CCSER1: variants seen among roughly 807,000 people sequenced by gnomAD.
CCSER1 encodes serine-rich coiled-coil domain-containing protein 1.
Under a neutral mutation model 82.0 loss-of-function variants are expected in CCSER1, and 41 were observed. The ratio of observed to expected loss-of-function variants is 0.50; its 90% CI spans 0.39 to 0.65. The LOEUF (loss-of-function observed/expected upper bound fraction) is 0.65, where lower values mean the gene tolerates loss of function less well. Ranked by LOEUF, CCSER1 falls within the 30% of genes least tolerant of loss-of-function variation. CCSER1 has a pLI of 0.00. For missense variants in CCSER1, 1,119 were observed against 1,064.2 expected (o/e 1.05, Z -0.72); for synonymous variants, 414 against 383.9 (o/e 1.08, Z -0.92).
intron 1 of CCSER1, among the ~76,000 whole-genome samples, chr4:90,194,131 G>A (rs1736162577): frequency 6.6e-6 from 1 of 152,068 alleles, no homozygotes; most frequent in Non-Finnish European, 1.5e-5. Flanking sequence ...GTCTAGGGCA[G>A]TGATATTATG....
intron 1 of CCSER1, among the ~76,000 whole-genome samples, chr4:90,172,642 A>G (rs1020512498): frequency 6.6e-6 from 1 of 151,920 alleles, no homozygotes; most frequent in African/African-American, 2.4e-5. Flanking sequence ...AGATTTTACA[A>G]CTAGTAAGTG....
At chr4:90,380,879 G>C (rs1390767800) in intron 3 of CCSER1, among the ~76,000 whole-genome samples, 1 of 152,142 alleles carries the variant, frequency 6.6e-6, no homozygotes, top group Non-Finnish European at 1.5e-5. Flanking sequence ...TGCTCCCAAA[G>C]AGCTTATAGT....
chr4:90,213,177 A>G (rs1740356290), intron 1 of CCSER1, among the ~76,000 whole-genome samples: 1 of 152,214 alleles, frequency 6.6e-6, no homozygotes. Context: ...GGTAGCTGAC[A>G]GGGTGGTAGC....
chr4:91,086,145 T>C (rs551170654), intron 10 of CCSER1, among the ~76,000 whole-genome samples, 151 bp downstream of exon 10: 1 of 152,244 alleles, frequency 6.6e-6, no homozygotes, highest in Admixed American at 6.5e-5. Context: ...CTCTGTTCAT[T>C]CTGCCAAAGC....
rs192089921 is a variant in CCSER1, at chr4:90,299,930, C to G, written c.-41-8314C>G. Among the ~76,000 whole-genome samples the G allele has an allele frequency of 3.0e-3, 464 of 152,160 alleles. 2 individuals are homozygous for G. The highest frequency in any genetic ancestry group is 0.01 in the Middle Eastern group (3 of 294). The stretch of plus-strand genomic sequence containing the variant: ...TTACATATTATTAATTTTCTGCCAT[C>G]ATTTTCTTAATGTTAAAATTATTAC... On this transcript the variant is annotated intron_variant, in intron 1 of 10. Coordinates refer to ENST00000509176, the MANE Select transcript of CCSER1 (RefSeq NM_001145065.2).
At chr4:90,767,196 T>C (rs1751379178) in intron 7 of CCSER1, among the ~76,000 whole-genome samples, 1 of 152,232 alleles carries the variant, frequency 6.6e-6, no homozygotes, top group South Asian at 2.1e-4. Context: ...AGATTCATTG[T>C]CCTGCTTGTA....
intron 5 of CCSER1, among the ~76,000 whole-genome samples, chr4:90,485,009 G>A (rs995979588): frequency 6.6e-6 from 1 of 152,230 alleles, no homozygotes; most frequent in Non-Finnish European, 1.5e-5. Context: ...TCCTTGAGCT[G>A]TGGTGGGCTC....
At chr4:90,231,068 T>C (rs1744424036) in intron 1 of CCSER1, among the ~76,000 whole-genome samples, 1 of 152,138 alleles carries the variant, frequency 6.6e-6, no homozygotes, top group African/African-American at 2.4e-5. Context: ...TACCATTCCT[T>C]CTGAAACTAT....
intron 9 of CCSER1, among the ~76,000 whole-genome samples, chr4:91,063,263 G>T (rs1351587333): frequency 6.6e-6 from 1 of 152,008 alleles, no homozygotes; most frequent in Non-Finnish European, 1.5e-5. Context: ...AGGTTTCATT[G>T]CCTCATCTAT....
At chr4:90,571,640 G>A (rs1022503950) in intron 5 of CCSER1, among the ~76,000 whole-genome samples, 10 of 151,992 alleles carry the variant, frequency 6.6e-5, no homozygotes, top group African/African-American at 2.4e-4. Flanking sequence ...CTAACTTTTG[G>A]GTCCTATTTT....
chr4:91,028,368 A>G (rs1740677662), intron 9 of CCSER1, among the ~76,000 whole-genome samples: 1 of 151,954 alleles, frequency 6.6e-6, no homozygotes, highest in South Asian at 2.1e-4. Flanking sequence ...TCATATGTTC[A>G]TGTGTTTATT....
At chr4:91,039,917 AC>A (rs1467507565) in intron 9 of CCSER1, among the ~76,000 whole-genome samples, 1 of 152,026 alleles carries the variant, frequency 6.6e-6, no homozygotes, top group Non-Finnish European at 1.5e-5. Flanking sequence ...CAATTTAGTC[AC>A]CTCTGTTTGT....
In CCSER1 at chr4:91,602,979, G is replaced by A. The variant is rs1764865654; in HGVS notation, c.*3922G>A. ...TGTATAAGAAGTATTTCAATCACAT[G>A]TAATATTCTTGGGAAATTTACCTCT... is the stretch of plus-strand genomic sequence containing the variant. On this transcript the variant is annotated 3_prime_UTR_variant, in exon 11 of 11. Transcript: ENST00000509176. Among the ~76,000 whole-genome samples, 1 of 151,998 alleles carries A rather than the reference G, an allele frequency of 6.6e-6. No homozygotes were observed. Among genetic ancestry groups the A allele is most frequent in the Admixed American group, 6.6e-5 (1 of 15,224 alleles).
At chr4:90,757,232 G>A (rs995274209) in intron 7 of CCSER1, among the ~76,000 whole-genome samples, 2 of 152,174 alleles carry the variant, frequency 1.3e-5, no homozygotes, top group Admixed American at 6.5e-5. Context: ...TAGAGTAGGT[G>A]TTCCAATTAG....
intron 9 of CCSER1, among the ~76,000 whole-genome samples, chr4:90,996,630 A>G (rs920592896): frequency 2.6e-5 from 4 of 152,114 alleles, no homozygotes; most frequent in East Asian, 1.9e-4. Flanking sequence ...TCATTTACCA[A>G]ATTTCTCACC....
intron 9 of CCSER1, among the ~76,000 whole-genome samples, chr4:91,081,507 C>G (rs1395717742): frequency 1.3e-5 from 2 of 151,934 alleles, no homozygotes; most frequent in African/African-American, 2.4e-5. Flanking sequence ...TGGCACAAAA[C>G]AGGGATGCCC....
intron 5 of CCSER1, among the ~76,000 whole-genome samples, chr4:90,526,898 T>G (rs1036923338): frequency 1.3e-5 from 2 of 152,174 alleles, no homozygotes; most frequent in Non-Finnish European, 2.9e-5. Flanking sequence ...GTAATGGGAT[T>G]GCTGGGTCAA....
At chr4:90,747,377 G>A (rs1213881241) in intron 7 of CCSER1, among the ~76,000 whole-genome samples, 1 of 152,056 alleles carries the variant, frequency 6.6e-6, no homozygotes, top group African/African-American at 2.4e-5. Flanking sequence ...ATTTCTTGGA[G>A]GTCAGCAAAT....
intron 5 of CCSER1, among the ~76,000 whole-genome samples, chr4:90,590,854 T>A (rs1276979663): frequency 1.3e-5 from 2 of 152,344 alleles, no homozygotes; most frequent in East Asian, 3.9e-4. Context: ...GGTAGCTTGC[T>A]GGGAATAGCA....
Sources: allele counts gnomAD v4.1 joint callset (sites outside exome capture counted in the v4.1 genomes callset), GRCh38; gene constraint gnomAD v4.1.1; transcripts MANE v1.5; gene names NCBI Gene and HGNC (gene_info 2026-07-23, HGNC 2026-07-21).